Variants in JCAD observed in about 807,000 individuals in gnomAD.
The protein encoded by JCAD is junctional cadherin 5 associated, also known as junctional cadherin 5-associated protein.
A neutral mutation model predicts 98.0 loss-of-function variants in JCAD; 40 were observed. The ratio of observed to expected loss-of-function variants is 0.41; its 90% CI spans 0.32 to 0.53. JCAD has a LOEUF of 0.53. Among genes scored for constraint, JCAD ranks in the 20% least tolerant of loss-of-function variants. The pLI is 0.31. For missense variants in JCAD, 1,705 were observed against 1,738.1 expected (o/e 0.98, Z 0.34); for synonymous variants, 691 against 682.3 (o/e 1.01, Z -0.20).
At chr10:30,031,124 T>G (rs553122185) in intron 2 of JCAD, among the ~76,000 whole-genome samples, 1 of 151,942 alleles carries the variant, frequency 6.6e-6, no homozygotes, top group South Asian at 2.1e-4. Context: ...GTATTTATAT[T>G]TTTATTTATA....
chr10:30,058,040 T>C (rs1477677546), intron 1 of JCAD, among the ~76,000 whole-genome samples: 1 of 152,218 alleles, frequency 6.6e-6, no homozygotes, highest in Non-Finnish European at 1.5e-5. Context: ...GTACAGCCCA[T>C]GACCCTCAGT....
intron 3 of JCAD, 144 bp downstream of exon 3, chr10:30,025,959 G>A (rs1480125829): frequency 1.3e-5 from 12 of 923,232 alleles, no homozygotes; most frequent in Non-Finnish European, 2.0e-5. Context: ...TCGAAAATGA[G>A]GAATCTTTTG....
intron 1 of JCAD, among the ~76,000 whole-genome samples, chr10:30,071,129 T>A (rs2132671344): frequency 6.6e-6 from 1 of 152,310 alleles, no homozygotes; most frequent in Non-Finnish European, 1.5e-5. Context: ...AGTCTTGAAC[T>A]CCTGGCCTCA....
rs1349991075 is a variant in JCAD at position 30,013,070 on chromosome 10, ATTAC to A, written c.*4809_*4812del. 1 of 152,276 alleles carries A rather than the reference ATTAC, an allele frequency of 6.6e-6. No individual in the cohort carries two copies. The highest frequency in any genetic ancestry group is 1.5e-5 in the Non-Finnish European group (1 of 68,106). The allele number at this position is 152,276 out of a possible 1,614,324, so 9.4% of individuals were successfully genotyped here. A position where few individuals can be genotyped will look rare whatever the true frequency, so the allele number is the denominator to read the frequency against. ...CGATGACTGCAGCCGGCAATCGGCC[ATTAC>A]CAATGGTGTCTTTCTGGGACCCTTT... On this transcript the variant is annotated 3_prime_UTR_variant, in exon 4 of 4. Transcript: ENST00000375377.
chr10:30,050,395 A>ACAAAGTCC (rs1564454895), intron 1 of JCAD, among the ~76,000 whole-genome samples: 1 of 152,022 alleles, frequency 6.6e-6, no homozygotes, highest in African/African-American at 2.4e-5. Context: ...GCAGACTAGA[A>ACAAAGTCC]CAAAGTCCCC....
chr10:30,033,621 T>C (rs1451675485), intron 2 of JCAD, among the ~76,000 whole-genome samples: 2 of 152,238 alleles, frequency 1.3e-5, no homozygotes, highest in Admixed American at 6.5e-5. Context: ...TTTTTCCCCA[T>C]GTGCTTAGGT....
upstream of JCAD, among the ~76,000 whole-genome samples, chr10:30,061,311 G>A (rs578246684): frequency 1.1e-4 from 17 of 152,330 alleles, no homozygotes; most frequent in Non-Finnish European, 2.4e-4. Context: ...GGGAGGACAA[G>A]GCAGGCGGAT....
At chr10:30,019,751 A>G (rs551508417) in intron 3 of JCAD, among the ~76,000 whole-genome samples, 11 of 152,258 alleles carry the variant, frequency 7.2e-5, no homozygotes, top group Admixed American at 6.5e-4. Context: ...TTGCTGATAG[A>G]GTACATCTCA....
chr10:30,024,941 C>T (rs1194587207), intron 3 of JCAD, among the ~76,000 whole-genome samples: 2 of 152,020 alleles, frequency 1.3e-5, no homozygotes, highest in East Asian at 1.9e-4. Context: ...GTGATCCACC[C>T]GCCTCGGCCT....
rs1836482308 is a variant in JCAD at position 30,014,013 on chromosome 10, A to G, written c.*3870T>C. On this transcript the variant is annotated 3_prime_UTR_variant, in exon 4 of 4. Coordinates refer to ENST00000375377, the MANE Select transcript of JCAD (RefSeq NM_020848.4). ...ATGACTCCCTTTTTATTTCTTTCCA[A>G]CAAAACCTGCAGGCTGGAGGCCATT... The G allele has an allele frequency of 6.6e-6, 1 of 152,118 alleles. No homozygotes were observed. The highest frequency in any genetic ancestry group is 6.5e-5 in the Admixed American group (1 of 15,278). 9.4% of individuals were successfully genotyped at this position (152,118 alleles called of 1,614,324 possible).
At chr10:30,093,211 T>C (rs1348977475) in intron 1 of JCAD, among the ~76,000 whole-genome samples, 2 of 152,184 alleles carry the variant, frequency 1.3e-5, no homozygotes, top group Non-Finnish European at 2.9e-5. Flanking sequence ...ACTGAGACCA[T>C]GCCAGGGAAG....
At chr10:30,058,401 G>T (rs1262549607) in intron 1 of JCAD, among the ~76,000 whole-genome samples, 1 of 152,094 alleles carries the variant, frequency 6.6e-6, no homozygotes, top group East Asian at 1.9e-4. Flanking sequence ...GTGTGGGGAG[G>T]TGATGTGCCC....
At position 30,027,776 on chromosome 10, in the gene JCAD, A is replaced by G. The variant is rs1356438275; in HGVS notation, c.2372T>C (p.Leu791Pro). The change falls in exon 3 of 4, where the codon CTT becomes CCT. Residue 791 changes from leucine to proline, a missense_variant. Physicochemically the swap from Leu to Pro is moderately conservative, Grantham distance 98. Transcript: ENST00000375377. ...CCGCTTAGGCCCAGGGTGGGCTCCA[A>G]GCCCGTGGACATCCACGCAGGGCTG... Reference protein sequence around the residue: ...RSQPCVDVHGLGAHPGPKREV... With the variant: ...RSQPCVDVHGPGAHPGPKREV... 1 of 1,614,228 alleles carries G rather than the reference A, an allele frequency of 6.2e-7. No homozygotes were observed. The highest frequency in any genetic ancestry group is 1.7e-5 in the Admixed American group (1 of 60,030).
chr10:30,068,822 C>G (rs764876865), intron 2 of JCAD, among the ~76,000 whole-genome samples: 1 of 152,150 alleles, frequency 6.6e-6, no homozygotes, highest in Non-Finnish European at 1.5e-5. Flanking sequence ...ATAACTGTGT[C>G]CCAAAGCCAC....
intron 1 of JCAD, among the ~76,000 whole-genome samples, chr10:30,050,314 C>CAAAAAAA (rs61421356): frequency 3.4e-4 from 14 of 41,758 alleles, no homozygotes; most frequent in South Asian, 6.6e-4. Context: ...GACCCTGTCT[C>CAAAAAAA]AAAAAAAAAA....
chr10:30,013,941 C>T lies in JCAD; in HGVS notation c.*3942G>A, dbSNP rs1190726337. On this transcript the variant is annotated 3_prime_UTR_variant, in exon 4 of 4. Coordinates refer to ENST00000375377, the MANE Select transcript of JCAD (RefSeq NM_020848.4). ...ACTGTTTCGACAGGCAGGTTGCTAGCCCACATCAACCTTTTCAAGAGGCCT... is the reference window on the plus strand; with the variant it reads ...ACTGTTTCGACAGGCAGGTTGCTAGTCCACATCAACCTTTTCAAGAGGCCT... 3.9e-5 allele frequency: 6 copies of T among 152,160 alleles called. No individual in the cohort carries two copies. The highest frequency in any genetic ancestry group is 5.9e-5 in the Non-Finnish European group (4 of 68,030). The allele number at this position is 152,160 out of a possible 1,614,324, so 9.4% of individuals were successfully genotyped here.
rs1589715617 is a variant in JCAD, at chr10:30,092,127, A to AT, written n.129-22307_129-22306insA. Among the ~76,000 whole-genome samples the AT allele has an allele frequency of 3.5e-4, 28 of 80,902 alleles. 3 individuals carry two copies. The highest frequency in any genetic ancestry group is 1.8e-3 in the South Asian group (4 of 2,274). 53.1% of individuals were successfully genotyped at this position (80,902 alleles called of 152,430 possible). ...ATATATATATATATATATATATATA[A>AT]AAAACATTTTAACTCTTTGCAAGAA... On this transcript the variant is annotated intron_variant and non_coding_transcript_variant, in intron 1 of 2. Transcript: ENST00000465712.
rs147997275 is a variant in JCAD, at chr10:30,025,159, C to T, written c.4045+944G>A. On this transcript the variant is annotated intron_variant, in intron 3 of 3. Transcript: ENST00000375377. The stretch of plus-strand genomic sequence containing the variant: ...GGTAGGAAGAGGGAAGGGCCCAGCT[C>T]AGGAGAGGGCATTCCTCTAACTCAA... Among the ~76,000 whole-genome samples, 1,296 of 152,162 alleles carry T rather than the reference C, an allele frequency of 8.5e-3. 17 individuals carry two copies. Among genetic ancestry groups the T allele is most frequent in the South Asian group, 0.04 (191 of 4,808 alleles).
chr10:30,052,540 C>T (rs188080099), intron 1 of JCAD, among the ~76,000 whole-genome samples: 28 of 152,260 alleles, frequency 1.8e-4, no homozygotes, highest in African/African-American at 6.3e-4. Context: ...CATGCAGAGG[C>T]CACCCAAGAG....
Sources: allele counts gnomAD v4.1 joint callset (sites outside exome capture counted in the v4.1 genomes callset), GRCh38; gene constraint gnomAD v4.1.1; transcripts MANE v1.5; gene names NCBI Gene and HGNC (gene_info 2026-07-23, HGNC 2026-07-21).